The following SNX29 variants were observed in gnomAD, a reference collection of about 807,000 sequenced individuals.
SNX29 encodes the protein sorting nexin-29.
SNX29 carries 78 observed loss-of-function variants against 102.1 expected under a neutral mutation model. The ratio of observed to expected loss-of-function variants is 0.76; its 90% CI spans 0.64 to 0.92. SNX29 has a LOEUF of 0.92. Among genes scored for constraint, SNX29 ranks in the 40% least tolerant of loss-of-function variants. SNX29 has a pLI of 0.00. For synonymous variants in SNX29, 580 were observed against 414.5 expected, an observed-to-expected ratio of 1.40 and a Z score of -4.85; for missense variants, 1,280 against 1,061.7, an observed-to-expected ratio of 1.21 and a Z score of -2.86.
intron 11 of SNX29, among the ~76,000 whole-genome samples, chr16:12,115,353 C>T (rs896085328): frequency 2.0e-5 from 3 of 152,044 alleles, no homozygotes; most frequent in African/African-American, 7.3e-5. Flanking sequence ...CTTTGAGAGC[C>T]AGGCCAGTGA....
intron 20 of SNX29, among the ~76,000 whole-genome samples, chr16:12,538,641 G>C (rs938279447): frequency 6.6e-6 from 1 of 152,100 alleles, no homozygotes; most frequent in African/African-American, 2.4e-5. Flanking sequence ...TGGAAAAACT[G>C]GGCTGTGAAA....
intron 13 of SNX29, among the ~76,000 whole-genome samples, chr16:12,159,436 T>C (rs1382933970): frequency 6.6e-6 from 1 of 152,256 alleles, no homozygotes; most frequent in East Asian, 1.9e-4. Context: ...CAACTTCGGA[T>C]ATCTTGGACC....
intron 13 of SNX29, among the ~76,000 whole-genome samples, chr16:12,196,602 ACTTTT>A (rs2076779196): frequency 6.9e-6 from 1 of 144,538 alleles, no homozygotes; most frequent in African/African-American, 2.5e-5. Flanking sequence ...CACTTTTTTT[ACTTTT>A]CTTTTTTCTT....
chr16:12,035,043 C>T (rs1294648197), intron 4 of SNX29, among the ~76,000 whole-genome samples: 1 of 151,828 alleles, frequency 6.6e-6, no homozygotes, highest in Non-Finnish European at 1.5e-5. Context: ...CTCAGTTTGG[C>T]CTCTGAGTTG....
At chr16:12,424,773 C>T (rs555914849) in intron 18 of SNX29, among the ~76,000 whole-genome samples, 1 of 152,306 alleles carries the variant, frequency 6.6e-6, no homozygotes, top group East Asian at 1.9e-4. Flanking sequence ...CCTCTCTATA[C>T]CTTCCTTCCC....
Position 12,159,314 on chromosome 16 carries a change from C to A in SNX29, c.1595+29556C>A, listed in dbSNP as rs187190498. On this transcript the variant is annotated intron_variant, in intron 13 of 20. Coordinates refer to ENST00000566228, the MANE Select transcript of SNX29 (RefSeq NM_032167.5). ...CATTCTTTCAGAGACGATGGCTCAGCACACTGTATGTTGGGCTGCTTCTCA... is the reference window on the plus strand; with the variant it reads ...CATTCTTTCAGAGACGATGGCTCAGAACACTGTATGTTGGGCTGCTTCTCA... Among the ~76,000 whole-genome samples, 607 of 152,322 alleles carry A rather than the reference C, an allele frequency of 4.0e-3. 18 individuals are homozygous for A. The highest frequency in any genetic ancestry group is 0.037 in the Admixed American group (569 of 15,298).
intron 3 of SNX29, among the ~76,000 whole-genome samples, chr16:12,007,116 A>G (rs2056481520): frequency 1.3e-5 from 2 of 152,186 alleles, no homozygotes; most frequent in African/African-American, 2.4e-5. Context: ...CCTTCTTAAT[A>G]TCAGAGACCT....
At chr16:12,018,202 C>T (rs779419812) in intron 3 of SNX29, among the ~76,000 whole-genome samples, 186 of 152,166 alleles carry the variant, frequency 1.2e-3, no homozygotes, top group Middle Eastern at 3.4e-3. Context: ...AATGGTGTTT[C>T]TTTTTATCTG....
intron 3 of SNX29, among the ~76,000 whole-genome samples, chr16:12,017,314 A>T (rs72784618): frequency 6.6e-6 from 1 of 152,210 alleles, no homozygotes; most frequent in Non-Finnish European, 1.5e-5. Context: ...AGTGAGATTG[A>T]GTATCTTTTC....
In SNX29 at chr16:12,309,591, G is replaced by C. The variant is rs569509219; in HGVS notation, c.1782+31555G>C. Among the ~76,000 whole-genome samples, 4 of 152,304 alleles carry C rather than the reference G, an allele frequency of 2.6e-5. No homozygotes were observed. The South Asian group carries it at 8.3e-4, about 32-fold the overall frequency. ...CTGACTTGTTCACCATGGTGTCCCAGAGCCCAATGTGGCACCTGTCGTCAC... is the reference window on the plus strand; with the variant it reads ...CTGACTTGTTCACCATGGTGTCCCACAGCCCAATGTGGCACCTGTCGTCAC... On this transcript the variant is annotated intron_variant, in intron 15 of 20. Transcript: ENST00000566228.
At chr16:12,012,199 G>A (rs1462084986) in intron 3 of SNX29, among the ~76,000 whole-genome samples, 3 of 152,168 alleles carry the variant, frequency 2.0e-5, no homozygotes, top group Non-Finnish European at 2.9e-5. Context: ...GTCATAGGGC[G>A]ACAGCAGGGT....
chr16:12,228,176 G>A (rs571458304), intron 14 of SNX29, among the ~76,000 whole-genome samples: 5 of 152,200 alleles, frequency 3.3e-5, no homozygotes, highest in Non-Finnish European at 7.3e-5. Flanking sequence ...GCCCCCAGCC[G>A]AGCTGTAGAC....
At chr16:12,167,004 G>A (rs2076031448) in intron 13 of SNX29, among the ~76,000 whole-genome samples, 1 of 152,120 alleles carries the variant, frequency 6.6e-6, no homozygotes, top group South Asian at 2.1e-4. Context: ...TGGTAAACTG[G>A]GGACTTTCTG....
At chr16:12,370,255 A>G (rs189166138) in intron 16 of SNX29, among the ~76,000 whole-genome samples, 2 of 150,996 alleles carry the variant, frequency 1.3e-5, no homozygotes, top group East Asian at 2.0e-4. Flanking sequence ...AAAACAAAAA[A>G]CAATCAACAA....
chr16:12,308,781 T>G (rs1172939474), intron 15 of SNX29, among the ~76,000 whole-genome samples: 2 of 152,232 alleles, frequency 1.3e-5, no homozygotes, highest in East Asian at 3.9e-4. Context: ...TGACAACATG[T>G]AAGGATTTAT....
At chr16:12,549,615 C>T (rs1363467378) in intron 20 of SNX29, among the ~76,000 whole-genome samples, 1 of 151,756 alleles carries the variant, frequency 6.6e-6, no homozygotes, top group African/African-American at 2.4e-5. Flanking sequence ...AGAGTCCTTG[C>T]CCTCCACACG....
At chr16:12,551,666 T>A (rs1282158413) in intron 20 of SNX29, among the ~76,000 whole-genome samples, 1 of 152,216 alleles carries the variant, frequency 6.6e-6, no homozygotes, top group Non-Finnish European at 1.5e-5. Flanking sequence ...TTTCCGTTCC[T>A]GTGCAGTAGG....
chr16:12,365,518 C>T (rs1456991915), intron 16 of SNX29, among the ~76,000 whole-genome samples: 1 of 150,556 alleles, frequency 6.6e-6, no homozygotes, highest in Non-Finnish European at 1.5e-5. Flanking sequence ...GGTGAAACCC[C>T]ATCTCTACTC....
chr16:12,355,792 C>G (rs2082112611), intron 15 of SNX29, among the ~76,000 whole-genome samples: 1 of 126,308 alleles, frequency 7.9e-6, no homozygotes, highest in Admixed American at 1.0e-4. Flanking sequence ...AGCCAGGGCT[C>G]TGGTGTCAGT....
Sources: gnomAD v4.1 joint callset for allele counts (sites outside exome capture counted in the v4.1 genomes callset) on GRCh38, gnomAD v4.1.1 for gene constraint, MANE v1.5 for transcripts, NCBI Gene and HGNC (gene_info 2026-07-23, HGNC 2026-07-21) for gene names.